The following ETF1 variants were observed in gnomAD, a reference collection of about 807,000 sequenced individuals.
ETF1 encodes the protein eukaryotic translation termination factor 1, also known as eukaryotic peptide chain release factor subunit 1.
Under a neutral mutation model 55.1 loss-of-function variants are expected in ETF1, and 4 were observed. The observed-to-expected ratio is 0.07, with a 90% CI of 0.04 to 0.17. The LOEUF (loss-of-function observed/expected upper bound fraction) is 0.17. Ranked by LOEUF, ETF1 falls within the 10% of genes least tolerant of loss-of-function variation. ETF1 has a pLI of 1.00. For synonymous variants in ETF1, 157 were observed against 182.3 expected (o/e 0.86, Z 1.12); for missense variants, 142 against 523.6 (o/e 0.27, Z 7.11).
intron 2 of ETF1, chr5:138,529,520 G>C: frequency 1.2e-6 from 1 of 816,866 alleles, no homozygotes; most frequent in Non-Finnish European, 1.5e-6. Context: ...TCACATGCAG[G>C]TTGTAAAAAC....
chr5:138,516,175 TA>T (rs36102244), intron 4 of ETF1, among the ~76,000 whole-genome samples: 4,432 of 152,306 alleles, frequency 0.029, 79 homozygotes, highest in African/African-American at 0.035. Flanking sequence ...GTTCTGCTAC[TA>T]AAAATTTTAC....
chr5:138,517,394 TA>T (rs978678904), intron 4 of ETF1, among the ~76,000 whole-genome samples, 166 bp downstream of exon 4: 2 of 150,428 alleles, frequency 1.3e-5, no homozygotes, highest in African/African-American at 2.4e-5. Flanking sequence ...AAAATAAAAA[TA>T]AAAAAATAAA....
chr5:138,532,047 A>T (rs1392224060), intron 2 of ETF1, among the ~76,000 whole-genome samples: 2 of 91,334 alleles, frequency 2.2e-5, no homozygotes, highest in Admixed American at 1.6e-4. Flanking sequence ...CTCCGCCTCA[A>T]AAAAATAAAA....
At position 138,541,536 on chromosome 5, in the gene ETF1, A is replaced by T. The variant is rs1025468215; in HGVS notation, c.86+1297T>A. 5.2e-6 allele frequency: 8 copies of T among 1,534,420 alleles called. No individual in the cohort carries two copies. In the African/African-American group the frequency reaches 1.1e-4, roughly 21 times the overall value. On this transcript the variant is annotated intron_variant, in intron 2 of 10. Transcript: ENST00000360541. ...AAACCAACCTGTGAATTGGGCCTTC[A>T]GTACAATTAAGCACATCCTGTTTCA...
chr5:138,508,593 C>CAGGGCT (rs1375911486), intron 10 of ETF1, 76 bp downstream of exon 10: 1 of 1,581,038 alleles, frequency 6.3e-7, no homozygotes, highest in East Asian at 2.2e-5. Flanking sequence ...TCACCGGAAG[C>CAGGGCT]AGGGCTAGGG....
chr5:138,526,488 C>T lies in ETF1; in HGVS notation c.87-7621G>A, dbSNP rs148692787. ...GACCTCTTGCCCTGGAAGTTTTCTC[C>T]TAGTGGTTAATTCCACAGGTTTTCC... On this transcript the variant is annotated intron_variant, in intron 2 of 10. Coordinates refer to ENST00000360541, the MANE Select transcript of ETF1 (RefSeq NM_004730.4). Among the ~76,000 whole-genome samples the T allele has an allele frequency of 2.4e-4, 37 of 152,210 alleles. No individual in the cohort carries two copies. In the East Asian group the frequency reaches 6.9e-3, roughly 29 times the overall value.
In ETF1 at chr5:138,513,687, G is replaced by A. The variant is rs1433293803; in HGVS notation, c.422C>T (p.Ser141Leu). 1 of 1,604,446 alleles carries A rather than the reference G, an allele frequency of 6.2e-7. No individual in the cohort carries two copies. The change falls in exon 5 of 11, where the codon TCA (serine) becomes TTA (leucine). Residue 141 changes from serine (S) to leucine (L), a missense_variant. Physicochemically the swap from Ser to Leu is moderately radical, Grantham distance 145 (BLOSUM62 -2). Transcript: ENST00000360541. ...AATGAATCCAAACTTGCTATCATCT[G>A]AAAGTAGTGCTGTAAGAGCCTGAAA... ...FHTEALTALL[S>L]DDSKFGFIVI... is the part of the protein sequence containing the mutation.
chr5:138,542,770 G>A (rs1766240003), intron 2 of ETF1, 63 bp downstream of exon 2: 7 of 1,592,320 alleles, frequency 4.4e-6, no homozygotes, highest in African/African-American at 1.3e-5. Context: ...GCGGCGCGGG[G>A]GCGTCCATCC....
chr5:138,516,270 T>G (rs551123055), intron 4 of ETF1, among the ~76,000 whole-genome samples: 1 of 152,228 alleles, frequency 6.6e-6, no homozygotes, highest in South Asian at 2.1e-4. Context: ...CTTGAGGAAA[T>G]GGGTACCCTA....
chr5:138,543,004 G>GCTCT, intron 1 of ETF1, 68 bp from the exon 2 acceptor site: 1 of 1,441,784 alleles, frequency 6.9e-7, no homozygotes, highest in Non-Finnish European at 9.6e-7. Context: ...GGGGCAGAGC[G>GCTCT]GCCCCCTTCC....
chr5:138,542,124 CG>C (rs1766203829), intron 2 of ETF1, among the ~76,000 whole-genome samples: 1 of 152,164 alleles, frequency 6.6e-6, no homozygotes, highest in Non-Finnish European at 1.5e-5. Flanking sequence ...CCCCCTAACC[CG>C]TATTTCTCCT....
At position 138,510,845 on chromosome 5, in the gene ETF1, C is replaced by G. The variant is rs567837157; in HGVS notation, c.1018+200G>C. ...TTCAAGATATAGTCCTGGTCCTCAG[C>G]AGATGTAACAATCTTAAGCAGACGT... On this transcript the variant is annotated intron_variant, in intron 8 of 10. Coordinates refer to ENST00000360541, the MANE Select transcript of ETF1 (RefSeq NM_004730.4). 5 of 773,514 alleles carry G rather than the reference C, an allele frequency of 6.5e-6. No individual in the cohort carries two copies. In the African/African-American group the frequency reaches 7.6e-5, roughly 12 times the overall value. The allele number at this position is 773,514 out of a possible 1,614,324, so 47.9% of individuals were successfully genotyped here.
intron 3 of ETF1, among the ~76,000 whole-genome samples, chr5:138,518,353 G>A (rs1765106870): frequency 6.6e-6 from 1 of 152,094 alleles, no homozygotes; most frequent in Non-Finnish European, 1.5e-5. Context: ...TGGGACTACA[G>A]GTGTGTGCCA....
At chr5:138,534,276 ACT>A (rs754717920) in intron 2 of ETF1, among the ~76,000 whole-genome samples, 12 of 152,358 alleles carry the variant, frequency 7.9e-5, no homozygotes, top group Admixed American at 3.3e-4. Flanking sequence ...GAGTGTGTAC[ACT>A]TTTTCTACAA....
intron 7 of ETF1, 86 bp downstream of exon 7, chr5:138,511,389 T>TTA: frequency 7.1e-7 from 1 of 1,411,898 alleles, no homozygotes; most frequent in East Asian, 2.6e-5. Flanking sequence ...ATCACGTACA[T>TTA]ACACACACAC....
At chr5:138,527,699 A>G (rs907364154) in intron 2 of ETF1, among the ~76,000 whole-genome samples, 1 of 152,134 alleles carries the variant, frequency 6.6e-6, no homozygotes, top group Admixed American at 6.6e-5. Flanking sequence ...CTTGAGTACC[A>G]ATTTTACTGG....
At chr5:138,534,202 T>A (rs1403677620) in intron 2 of ETF1, among the ~76,000 whole-genome samples, 1 of 152,216 alleles carries the variant, frequency 6.6e-6, no homozygotes, top group Non-Finnish European at 1.5e-5. Flanking sequence ...TCATTTTAGC[T>A]TTCTGTCCCC....
At chr5:138,541,765 TGGGGGGGGG>T in intron 2 of ETF1, 1 of 159,034 alleles carries the variant, frequency 6.3e-6, no homozygotes, top group Non-Finnish European at 1.3e-5. Context: ...CACTTTTTTT[TGGGGGGGGG>T]GGCACTTCCT....
intron 2 of ETF1, among the ~76,000 whole-genome samples, chr5:138,522,594 AAAAC>A (rs1313662385): frequency 6.6e-6 from 1 of 151,900 alleles, no homozygotes; most frequent in African/African-American, 2.4e-5. Flanking sequence ...AAAAAAAAAC[AAAAC>A]AAACGAAAAA....
Sources: allele counts gnomAD v4.1 joint callset (sites outside exome capture counted in the v4.1 genomes callset), GRCh38; gene constraint gnomAD v4.1.1; transcripts MANE v1.5; gene names NCBI Gene and HGNC (gene_info 2026-07-23, HGNC 2026-07-21).